The following MFGE8 variants were observed in gnomAD, a reference collection of about 807,000 sequenced individuals.
MFGE8 encodes lactadherin.
Under a neutral mutation model 42.6 loss-of-function variants are expected in MFGE8, and 34 were observed. The observed-to-expected ratio is 0.80, with a 90% confidence interval of 0.61 to 1.06. The LOEUF (loss-of-function observed/expected upper bound fraction) is 1.06, where lower values mean the gene tolerates loss of function less well. Ranked by LOEUF, MFGE8 falls within the 50% of genes least tolerant of loss-of-function variation. The pLI, the probability that MFGE8 is intolerant of heterozygous loss-of-function variation, is 0.00. For synonymous variants in MFGE8, 230 were observed against 214.8 expected, an observed-to-expected ratio of 1.07 and a Z score of -0.62; for missense variants, 510 against 516.9, an observed-to-expected ratio of 0.99 and a Z score of 0.13.
chr15:88,905,674 T>C lies in MFGE8; in HGVS notation c.685+83A>G. 2 of 1,589,022 alleles carry C rather than the reference T, an allele frequency of 1.3e-6. No homozygotes were observed. The highest frequency in any genetic ancestry group is 1.7e-6 in the Non-Finnish European group (2 of 1,161,332). On this transcript the variant is annotated intron_variant, in intron 5 of 7. Coordinates refer to ENST00000268150, the MANE Select transcript of MFGE8 (RefSeq NM_005928.4). This position sits in a 1 kb window ranked among gnomAD's most constrained non-coding sequence, Gnocchi z 6.6. Reference sequence around the variant, plus strand: ...TTGTTGCTGCCCTACCTAGCTCAGTTTGGCTGAGAAAAGAGGCAGCAGGGA... The same window carrying C: ...TTGTTGCTGCCCTACCTAGCTCAGTCTGGCTGAGAAAAGAGGCAGCAGGGA...
At chr15:88,908,066 C>T (rs1004575127) in intron 2 of MFGE8, among the ~76,000 whole-genome samples, 1 of 152,204 alleles carries the variant, frequency 6.6e-6, no homozygotes, top group Admixed American at 6.5e-5. Context: ...CCTCACCCAG[C>T]CATCTGTGAA....
In MFGE8 at chr15:88,906,386, A is replaced by G; in HGVS notation, c.540+240T>C. On this transcript the variant is annotated intron_variant, in intron 4 of 7. Coordinates refer to ENST00000268150, the MANE Select transcript of MFGE8 (RefSeq NM_005928.4). This position sits in a 1 kb window ranked among gnomAD's most constrained non-coding sequence, Gnocchi z 4.2. Reference sequence around the variant, plus strand: ...CTCCACCACCACTATCACCCTCAACAGGTCACTGTGCCATTTTGAATCTCA... The same window carrying G: ...CTCCACCACCACTATCACCCTCAACGGGTCACTGTGCCATTTTGAATCTCA... 1 of 539,104 alleles carries G rather than the reference A, an allele frequency of 1.9e-6. No homozygotes were observed. The highest frequency in any genetic ancestry group is 3.4e-6 in the Non-Finnish European group (1 of 295,748). The allele number at this position is 539,104 out of a possible 1,614,324, so 33.4% of individuals were successfully genotyped here.
At position 88,899,107 on chromosome 15, in the gene MFGE8, C is replaced by T. The variant is rs1400677901; in HGVS notation, c.*288G>A. 1 of 506,546 alleles carries T rather than the reference C, an allele frequency of 2.0e-6. No individual in the cohort carries two copies. Among genetic ancestry groups the T allele is most frequent in the African/African-American group, 1.9e-5 (1 of 51,872 alleles). The allele number at this position is 506,546 out of a possible 1,614,324, so 31.4% of individuals were successfully genotyped here. The stretch of plus-strand genomic sequence containing the variant: ...GGACAGGGGCAGGGAAACCACACGC[C>T]CTACTTTGCCCTTTCCTGTCCATCC... On this transcript the variant is annotated 3_prime_UTR_variant, in exon 8 of 8. Coordinates refer to ENST00000268150, the MANE Select transcript of MFGE8 (RefSeq NM_005928.4). The surrounding 1 kb of genome is among the most constrained non-coding windows in gnomAD (Gnocchi z 6.8).
chr15:88,905,768 C>T lies in MFGE8; in HGVS notation c.674G>A (p.Cys225Tyr). The part of the protein sequence containing the change: ...ACTLRFELLG[C>Y]ELNGCANPLG... ...CCCCCAGCACTCACCGTTCAGCTCA[C>T]AGCCCAGTAGCTCAAAGCGCAGAGT... Residue 225 changes from cysteine (C) to tyrosine (Y), a missense_variant, in exon 5 of 8, where the codon TGT becomes TAT. By Grantham distance (194) the Cys-to-Tyr change is radical. Coordinates refer to ENST00000268150, the MANE Select transcript of MFGE8 (RefSeq NM_005928.4). This position sits in a 1 kb window ranked among gnomAD's most constrained non-coding sequence, Gnocchi z 6.6. 1.2e-6 allele frequency: 2 copies of T among 1,614,200 alleles called. No homozygotes were observed. Among genetic ancestry groups the T allele is most frequent in the Non-Finnish European group, 1.7e-6 (2 of 1,180,044 alleles).
intron 2 of MFGE8, among the ~76,000 whole-genome samples, chr15:88,908,275 C>T (rs1254114699): frequency 1.3e-5 from 2 of 152,160 alleles, no homozygotes; most frequent in East Asian, 1.9e-4. Context: ...ATCACAGGCG[C>T]GGACGAGCTC....
At chr15:88,900,402 GGAA>G (rs1385914835) in intron 6 of MFGE8, among the ~76,000 whole-genome samples, 1 of 152,194 alleles carries the variant, frequency 6.6e-6, no homozygotes, top group East Asian at 1.9e-4. Context: ...CACTGTGATG[GGAA>G]GAAGGACAGG....
Position 88,899,154 on chromosome 15 carries a change from G to T in MFGE8, c.*241C>A. 1 of 595,972 alleles carries T rather than the reference G, an allele frequency of 1.7e-6. No homozygotes were observed. The highest frequency in any genetic ancestry group is 3.0e-6 in the Non-Finnish European group (1 of 337,378). The allele number at this position is 595,972 out of a possible 1,614,324, so 36.9% of individuals were successfully genotyped here. A position where few individuals can be genotyped will look rare whatever the true frequency, so the allele number is the denominator to read the frequency against. On this transcript the variant is annotated 3_prime_UTR_variant, in exon 8 of 8. Coordinates refer to ENST00000268150, the MANE Select transcript of MFGE8 (RefSeq NM_005928.4). The surrounding 1 kb of genome is among the most constrained non-coding windows in gnomAD (Gnocchi z 6.8). Reference sequence around the variant, plus strand: ...ATCCCAGACCTACTCAGATCCCTCAGTGCCTAAGAAAACAGGACAGTGAGG... The same window carrying T: ...ATCCCAGACCTACTCAGATCCCTCATTGCCTAAGAAAACAGGACAGTGAGG...
rs1293173378 is a variant in MFGE8 at position 88,901,267 on chromosome 15, G to GCATTCACACACACTCA, written c.870+268_870+283dup. 7.3e-5 allele frequency among the ~76,000 whole-genome samples: 7 copies of GCATTCACACACACTCA among 95,584 alleles called. 1 individual carries two copies. The highest frequency in any genetic ancestry group is 2.5e-4 in the African/African-American group (7 of 28,402). The allele number at this position is 95,584 out of a possible 152,430, so 62.7% of individuals were successfully genotyped here. On this transcript the variant is annotated intron_variant, in intron 6 of 7. Transcript: ENST00000268150. ...TTCACACGCACGCATTCACACGCAC[G>GCATTCACACACACTCA]CATTCACACACACTCACATTCACAC... is the stretch of plus-strand genomic sequence containing the variant.
At chr15:88,900,705 C>A in intron 6 of MFGE8, 7 of 985,402 alleles carry the variant, frequency 7.1e-6, no homozygotes, top group Non-Finnish European at 8.4e-6. Flanking sequence ...TGCCAGCTCT[C>A]GGCTTCCTCA....
rs1898708024 is a variant in MFGE8 at position 88,906,900 on chromosome 15, G to C, written c.388-122C>G. On this transcript the variant is annotated intron_variant, in intron 3 of 7. Coordinates refer to ENST00000268150, the MANE Select transcript of MFGE8 (RefSeq NM_005928.4). This position sits in a 1 kb window ranked among gnomAD's most constrained non-coding sequence, Gnocchi z 4.2. ...GGAACAACTCAAGCAAAACAGAGGA[G>C]GGGTAGCTGAGCACACTGCCCGCAC... 1 of 1,277,290 alleles carries C rather than the reference G, an allele frequency of 7.8e-7. No homozygotes were observed. Among genetic ancestry groups the C allele is most frequent in the South Asian group, 1.2e-5 (1 of 80,980 alleles). The allele number at this position is 1,277,290 out of a possible 1,614,324, so 79.1% of individuals were successfully genotyped here.
At position 88,906,859 on chromosome 15, in the gene MFGE8, T is replaced by TC. The variant is rs1898706285; in HGVS notation, c.388-82dup. The TC allele has an allele frequency of 9.0e-6, 14 of 1,548,138 alleles. No individual in the cohort carries two copies. In the Admixed American group the frequency reaches 2.2e-4, roughly 24 times the overall value. Reference sequence around the variant, plus strand: ...GATCCAAGCAGACCCATCCCTTCACTCCCCCACTGGGTGGGGGAACAACTC... The same window carrying TC: ...GATCCAAGCAGACCCATCCCTTCACTCCCCCCACTGGGTGGGGGAACAACTC... On this transcript the variant is annotated intron_variant, in intron 3 of 7. Coordinates refer to ENST00000268150, the MANE Select transcript of MFGE8 (RefSeq NM_005928.4). The surrounding 1 kb of genome is among the most constrained non-coding windows in gnomAD (Gnocchi z 4.2).
At position 88,898,994 on chromosome 15, in the gene MFGE8, G is replaced by C; in HGVS notation, c.*401C>G. On this transcript the variant is annotated 3_prime_UTR_variant, in exon 8 of 8. Transcript: ENST00000268150. ...CTGTTATCTCCAGCCTGGCGCTTCCGGGCCTTTCTTGAGGCCACCATGGGA... is the reference window on the plus strand; with the variant it reads ...CTGTTATCTCCAGCCTGGCGCTTCCCGGCCTTTCTTGAGGCCACCATGGGA... 3.5e-6 allele frequency: 1 copy of C among 284,848 alleles called. No individual in the cohort carries two copies. Among genetic ancestry groups the C allele is most frequent in the Non-Finnish European group, 6.9e-6 (1 of 145,658 alleles). The allele number at this position is 284,848 out of a possible 1,614,324, so 17.6% of individuals were successfully genotyped here.
intron 1 of MFGE8, chr15:88,912,601 G>C: frequency 3.0e-6 from 3 of 985,364 alleles, no homozygotes; most frequent in Non-Finnish European, 3.6e-6. Context: ...AGGAGGACCG[G>C]GGAAGATACA....
chr15:88,906,695 G>T lies in MFGE8; in HGVS notation c.471C>A (p.Ala157=), dbSNP rs964814582. ...CATTAAGGCTGTAGGCCACCTTGAA[G>T]GCCTTCAGGTACTCATGACTGGCCA... is the stretch of plus-strand genomic sequence containing the variant. ...SRLASHEYLK[A]FKVAYSLNGH... is the part of the protein sequence containing the mutation. Residue 157 remains alanine, a synonymous_variant, in exon 4 of 8, where the codon GCC becomes GCA. Transcript: ENST00000268150. The surrounding 1 kb of genome is among the most constrained non-coding windows in gnomAD (Gnocchi z 4.2). 10 of 1,613,868 alleles carry T rather than the reference G, an allele frequency of 6.2e-6. No homozygotes were observed. In the African/African-American group the frequency reaches 1.3e-4, roughly 22 times the overall value.
chr15:88,901,567 T>C lies in MFGE8; in HGVS notation c.854A>G (p.Asn285Ser). 1 of 1,551,572 alleles carries C rather than the reference T, an allele frequency of 6.4e-7. No homozygotes were observed. Among genetic ancestry groups the C allele is most frequent in the Non-Finnish European group, 8.8e-7 (1 of 1,141,130 alleles). The change falls in exon 6 of 8, where the codon AAC becomes AGC. Residue 285 changes from asparagine to serine, a missense_variant. Coordinates refer to ENST00000268150, the MANE Select transcript of MFGE8 (RefSeq NM_005928.4). ...CTGACCCACCTGCAGCCACTGATCG[T>C]TACCGTAGCTCCCCGCAACCCAGGC... ...FNAWVAGSYG[N>S]DQWLQVDLGS... is the part of the protein sequence containing the mutation.
chr15:88,912,089 G>C (rs1006657943), intron 1 of MFGE8: 37 of 1,286,282 alleles, frequency 2.9e-5, no homozygotes, highest in Non-Finnish European at 3.8e-5. Flanking sequence ...GGGAAAAAGG[G>C]AAAGGGAAAG....
chr15:88,908,196 C>T (rs536183922), intron 2 of MFGE8, among the ~76,000 whole-genome samples: 47 of 152,308 alleles, frequency 3.1e-4, no homozygotes, highest in Non-Finnish European at 5.4e-4. Flanking sequence ...TGGGGATCCC[C>T]CCAGCGTGTG....
intron 2 of MFGE8, among the ~76,000 whole-genome samples, chr15:88,909,304 G>A (rs549014087): frequency 6.6e-6 from 1 of 152,362 alleles, no homozygotes; most frequent in Admixed American, 6.5e-5. Flanking sequence ...TTCTCCCCGA[G>A]CTCTGCGATG....
At position 88,907,269 on chromosome 15, in the gene MFGE8, G is replaced by C; in HGVS notation, c.313C>G (p.Leu105Val). ...ATGCCTGCGCGGTTCAGGCGGGCCA[G>C]CTCCGGGACCCAATGCTGCAAACCC... ...FLGLQHWVPE[L>V]ARLNRAGMVN... Residue 105 changes from leucine to valine, a missense_variant, in exon 3 of 8, where the codon CTG becomes GTG. Transcript: ENST00000268150. 1 of 1,614,178 alleles carries C rather than the reference G, an allele frequency of 6.2e-7. No individual in the cohort carries two copies. Among genetic ancestry groups the C allele is most frequent in the Non-Finnish European group, 8.5e-7 (1 of 1,180,032 alleles).
Sources: allele counts gnomAD v4.1 joint callset (sites outside exome capture counted in the v4.1 genomes callset), GRCh38; gene constraint gnomAD v4.1.1; non-coding constraint Gnocchi (gnomAD v3.1); transcripts MANE v1.5; gene names NCBI Gene and HGNC (gene_info 2026-07-23, HGNC 2026-07-21).